RSPH14: variants seen among roughly 807,000 people sequenced by gnomAD.
RSPH14 encodes radial spoke head 14 homolog.
A neutral mutation model predicts 26.7 loss-of-function variants in RSPH14; 20 were observed. That is an observed-to-expected ratio of 0.75 (90% CI 0.53 to 1.09). The LOEUF (loss-of-function observed/expected upper bound fraction) is 1.09. RSPH14 is among the 50% of genes least tolerant of loss of function. The pLI, the probability that RSPH14 is intolerant of heterozygous loss-of-function variation, is 0.00. For synonymous variants in RSPH14, 177 were observed against 189.3 expected (o/e 0.93, Z 0.53); for missense variants, 449 against 457.2 (o/e 0.98, Z 0.16).
chr22:23,130,428 C>T (rs933800498), intron 4 of RSPH14, among the ~76,000 whole-genome samples: 12 of 146,638 alleles, frequency 8.2e-5, no homozygotes, highest in Non-Finnish European at 1.5e-4. Context: ...GCACTCCAGC[C>T]TGGGCGACAG....
intron 4 of RSPH14, chr22:23,123,486 C>A: frequency 8.4e-7 from 1 of 1,189,174 alleles, no homozygotes; most frequent in East Asian, 2.5e-5. Context: ...GTGTCATGCC[C>A]CAACGCGTGC....
intron 4 of RSPH14, among the ~76,000 whole-genome samples, chr22:23,110,403 C>G (rs928530262): frequency 1.3e-5 from 2 of 152,230 alleles, no homozygotes; most frequent in African/African-American, 2.4e-5. Flanking sequence ...TTCTGGGGCC[C>G]TCCCACCAGG....
chr22:23,153,370 G>GCCCACCTGCCCATGACCTC, the RSPH14 span, among the ~76,000 whole-genome samples: 1 of 152,080 alleles, frequency 6.6e-6, no homozygotes, highest in East Asian at 1.9e-4. Flanking sequence ...AGCCTGACCT[G>GCCCACCTGCCCATGACCTC]CCCACCTGCC....
intron 4 of RSPH14, among the ~76,000 whole-genome samples, chr22:23,072,342 T>C (rs1187958128): frequency 2.0e-5 from 3 of 152,118 alleles, no homozygotes; most frequent in Non-Finnish European, 2.9e-5. Context: ...GGATAAAATA[T>C]GCGCCTTGAG....
rs2070235501 is a variant in RSPH14 at position 23,128,435 on chromosome 22, ATC to A, written c.421+5589_421+5590del. Among the ~76,000 whole-genome samples the A allele has an allele frequency of 2.0e-5, 3 of 152,292 alleles. No homozygotes were observed. In the South Asian group the frequency reaches 6.2e-4, roughly 32 times the overall value. On this transcript the variant is annotated intron_variant, in intron 4 of 6. Transcript: ENST00000216036. ...CCTGGGCTGGCAGCCTGTGTGTGACATCTGTCTCTACAATCCTATTTTCTCCT... is the reference window on the plus strand; with the variant it reads ...CCTGGGCTGGCAGCCTGTGTGTGACATGTCTCTACAATCCTATTTTCTCCT...
chr22:23,149,370 A>G (rs1232755282), upstream of RSPH14, among the ~76,000 whole-genome samples: 2 of 152,168 alleles, frequency 1.3e-5, no homozygotes, highest in Non-Finnish European at 2.9e-5. Context: ...ATTACAGACC[A>G]GGTGAGGGTG....
the RSPH14 span, among the ~76,000 whole-genome samples, chr22:23,176,436 G>GT: frequency 5.6e-4 from 86 of 152,304 alleles, no homozygotes; most frequent in Non-Finnish European, 1.8e-4. Context: ...CTCACCACCT[G>GT]TTTCTTTGTT....
At chr22:23,126,303 T>C (rs1461094288) in intron 4 of RSPH14, among the ~76,000 whole-genome samples, 1 of 152,102 alleles carries the variant, frequency 6.6e-6, no homozygotes, top group Non-Finnish European at 1.5e-5. Flanking sequence ...AGTTCCCCCA[T>C]AGGCTGCAGA....
At chr22:23,068,904 A>T (rs147768813) in intron 4 of RSPH14, among the ~76,000 whole-genome samples, 1 of 152,118 alleles carries the variant, frequency 6.6e-6, no homozygotes, top group Non-Finnish European at 1.5e-5. Context: ...GCAAGCACAA[A>T]GGGTAGCTAG....
chr22:23,078,464 G>A (rs2146262353), intron 4 of RSPH14, among the ~76,000 whole-genome samples: 1 of 151,452 alleles, frequency 6.6e-6, no homozygotes, highest in Middle Eastern at 3.4e-3. Flanking sequence ...CCTCCAAGGA[G>A]TCTCCTGGCC....
intron 4 of RSPH14, among the ~76,000 whole-genome samples, chr22:23,093,077 C>G (rs774104792): frequency 6.6e-6 from 1 of 152,234 alleles, no homozygotes; most frequent in Non-Finnish European, 1.5e-5. Context: ...TCTCCATCCT[C>G]CATGCGCTCA....
chr22:23,108,246 G>A (rs575886635), intron 4 of RSPH14, among the ~76,000 whole-genome samples: 1 of 152,382 alleles, frequency 6.6e-6, no homozygotes, highest in Admixed American at 6.5e-5. Context: ...GCTGGGCAGA[G>A]CAGGGGAGAG....
At position 23,071,170 on chromosome 22, in the gene RSPH14, A is replaced by G. The variant is rs999970270; in HGVS notation, c.422-7037T>C. Among the ~76,000 whole-genome samples the G allele has an allele frequency of 1.3e-5, 2 of 151,990 alleles. No homozygotes were observed. The highest frequency in any genetic ancestry group is 2.9e-5 in the Non-Finnish European group (2 of 67,990). On this transcript the variant is annotated intron_variant, in intron 4 of 6. Transcript: ENST00000216036. This position sits in a 1 kb window ranked among gnomAD's most constrained non-coding sequence, Gnocchi z 4.1. ...TGAGTATCGACCTGCTGCGATTGTA[A>G]TACGTTCCCGGCTCAATATTTTTTC...
the RSPH14 span, chr22:23,161,634 G>C: frequency 2.3e-6 from 3 of 1,320,888 alleles, no homozygotes; most frequent in Non-Finnish European, 1.1e-6. Flanking sequence ...CTGTGGTGTG[G>C]AGACTGGAGC....
At chr22:23,173,953 A>C in the RSPH14 span, among the ~76,000 whole-genome samples, 1 of 150,572 alleles carries the variant, frequency 6.6e-6, no homozygotes, top group Non-Finnish European at 1.5e-5. Flanking sequence ...CAAATGATCC[A>C]CCCTCCTCGG....
At chr22:23,171,672 G>A in the RSPH14 span, among the ~76,000 whole-genome samples, 3 of 151,880 alleles carry the variant, frequency 2.0e-5, no homozygotes, top group East Asian at 3.9e-4. Flanking sequence ...GTGAAACCCC[G>A]TCTCTACTAA....
chr22:23,067,553 C>CT (rs2068239651), intron 4 of RSPH14, among the ~76,000 whole-genome samples: 1 of 152,234 alleles, frequency 6.6e-6, no homozygotes, highest in Non-Finnish European at 1.5e-5. Flanking sequence ...CTGGGCCTGC[C>CT]TTTGCTCCAA....
intron 4 of RSPH14, among the ~76,000 whole-genome samples, chr22:23,105,405 C>T (rs536185207): frequency 4.6e-5 from 7 of 152,358 alleles, no homozygotes; most frequent in Admixed American, 2.6e-4. Flanking sequence ...CCACTGGGAT[C>T]TCTCCCCACT....
At chr22:23,138,382 T>G (rs1289988281) in intron 3 of RSPH14, among the ~76,000 whole-genome samples, 3 of 152,092 alleles carry the variant, frequency 2.0e-5, no homozygotes, top group African/African-American at 7.2e-5. Flanking sequence ...GCCAACGTGG[T>G]GAAACCAGTC....
Sources: allele counts gnomAD v4.1 joint callset (sites outside exome capture counted in the v4.1 genomes callset), GRCh38; gene constraint gnomAD v4.1.1; non-coding constraint Gnocchi (gnomAD v3.1); transcripts MANE v1.5; gene names NCBI Gene and HGNC (gene_info 2026-07-23, HGNC 2026-07-21).